Variants in PRKG1 observed in about 807,000 individuals in gnomAD.
PRKG1 encodes protein kinase cGMP-dependent 1, also known as cGMP-dependent protein kinase 1.
In PRKG1, 35 loss-of-function variants were observed where a neutral mutation model predicts 88.1. The observed-to-expected ratio is 0.40, with a 90% CI of 0.30 to 0.53. The LOEUF (loss-of-function observed/expected upper bound fraction) is 0.53, where lower values mean the gene tolerates loss of function less well. Among genes scored for constraint, PRKG1 ranks in the 20% least tolerant of loss-of-function variants. The pLI is 0.59. For missense variants in PRKG1, 540 were observed against 839.8 expected, an observed-to-expected ratio of 0.64 and a Z score of 4.41; for synonymous variants, 303 against 292.5, an observed-to-expected ratio of 1.04 and a Z score of -0.37.
At chr10:51,908,725 C>CTATCTATATA (rs1299574623) in intron 5 of PRKG1, 12 of 60,636 alleles carry the variant, frequency 2.0e-4, no homozygotes, top group East Asian at 9.9e-4. Context: ...GTCTATCTAT[C>CTATCTATATA]TATATGTAAT....
intron 3 of PRKG1, among the ~76,000 whole-genome samples, chr10:51,593,755 C>T (rs940382327): frequency 1.8e-4 from 28 of 151,518 alleles, no homozygotes; most frequent in African/African-American, 6.1e-4. Context: ...GACGGAGTCT[C>T]GGTCTGTCAC....
chr10:51,660,999 G>C (rs1840284811), intron 3 of PRKG1, among the ~76,000 whole-genome samples: 1 of 150,896 alleles, frequency 6.6e-6, no homozygotes, highest in South Asian at 2.1e-4. Flanking sequence ...GAATCCAAAT[G>C]AGCCCATTTC....
chr10:51,392,077 G>C (rs1416320341), intron 2 of PRKG1, among the ~76,000 whole-genome samples: 1 of 151,984 alleles, frequency 6.6e-6, no homozygotes, highest in East Asian at 1.9e-4. Context: ...GCTCTTCTAA[G>C]TCTGACCAAC....
At chr10:52,137,642 C>A (rs532385284) in intron 8 of PRKG1, among the ~76,000 whole-genome samples, 14 of 152,188 alleles carry the variant, frequency 9.2e-5, no homozygotes, top group African/African-American at 2.9e-4. Flanking sequence ...ATCTAGGTTA[C>A]TTACAATACC....
At chr10:51,994,291 T>C (rs971066167) in intron 5 of PRKG1, among the ~76,000 whole-genome samples, 18 of 152,280 alleles carry the variant, frequency 1.2e-4, no homozygotes, top group Non-Finnish European at 2.1e-4. Context: ...TCCTTTTGCT[T>C]CAGATAACAC....
intron 9 of PRKG1, among the ~76,000 whole-genome samples, chr10:52,230,531 T>C (rs2132350437): frequency 6.6e-6 from 1 of 152,304 alleles, no homozygotes; most frequent in South Asian, 2.1e-4. Context: ...AAGTAGCTTG[T>C]TTAGGTGGCC....
At chr10:51,005,565 G>A (rs180734923) in intron 1 of PRKG1, among the ~76,000 whole-genome samples, 3 of 152,318 alleles carry the variant, frequency 2.0e-5, no homozygotes, top group Admixed American at 1.3e-4. Flanking sequence ...ATAACATAAA[G>A]TGTCTTTTTA....
chr10:51,670,527 G>A (rs948703097), intron 3 of PRKG1, among the ~76,000 whole-genome samples: 2 of 150,486 alleles, frequency 1.3e-5, no homozygotes, highest in Non-Finnish European at 3.0e-5. Flanking sequence ...ACGAGGTCAG[G>A]AGATCGAGAC....
chr10:51,158,064 A>G (rs570658527), intron 2 of PRKG1, among the ~76,000 whole-genome samples: 1 of 152,028 alleles, frequency 6.6e-6, no homozygotes, highest in Admixed American at 6.6e-5. Flanking sequence ...ATAATATATT[A>G]TCATTGTCTG....
At chr10:50,997,830 A>G (rs1348612454) in intron 1 of PRKG1, among the ~76,000 whole-genome samples, 1 of 152,232 alleles carries the variant, frequency 6.6e-6, no homozygotes, top group Non-Finnish European at 1.5e-5. Context: ...AAGAGGAAGT[A>G]AAAAATAATA....
At chr10:51,557,708 C>G (rs1326950496) in intron 3 of PRKG1, among the ~76,000 whole-genome samples, 1 of 152,000 alleles carries the variant, frequency 6.6e-6, no homozygotes, top group Admixed American at 6.6e-5. Flanking sequence ...GTTTTCATCT[C>G]AAGATGTGAA....
chr10:51,863,712 G>T (rs569340952), intron 4 of PRKG1, among the ~76,000 whole-genome samples: 1 of 151,996 alleles, frequency 6.6e-6, no homozygotes, highest in African/African-American at 2.4e-5. Flanking sequence ...ACTAAATTTG[G>T]CCCCTCAACC....
In PRKG1 at chr10:51,943,137, G is replaced by T. The variant is rs186087935; in HGVS notation, c.762+35567G>T. Among the ~76,000 whole-genome samples the T allele has an allele frequency of 6.6e-4, 101 of 152,052 alleles. 1 individual carries two copies. The highest frequency in any genetic ancestry group is 2.3e-3 in the African/African-American group (94 of 41,386). On this transcript the variant is annotated intron_variant, in intron 5 of 17. Coordinates refer to ENST00000373980, the MANE Select transcript of PRKG1 (RefSeq NM_006258.4). ...ATCCTCTTTTATTTCATTGAGCAGT[G>T]GTTTGTAGTTATCCTTGAAGAGGTC...
intron 2 of PRKG1, among the ~76,000 whole-genome samples, chr10:51,413,840 T>A (rs1838168717): frequency 6.6e-6 from 1 of 152,214 alleles, no homozygotes; most frequent in Admixed American, 6.5e-5. Flanking sequence ...TTAGTTTTTT[T>A]GTTTCTTTGC....
intron 9 of PRKG1, among the ~76,000 whole-genome samples, chr10:52,170,138 A>C (rs1838624923): frequency 6.6e-6 from 1 of 152,200 alleles, no homozygotes. Flanking sequence ...TTGTAGTATA[A>C]ATTTGTCCAT....
At chr10:51,291,461 G>A (rs1840581085) in intron 2 of PRKG1, among the ~76,000 whole-genome samples, 1 of 152,096 alleles carries the variant, frequency 6.6e-6, no homozygotes, top group Non-Finnish European at 1.5e-5. Flanking sequence ...TGCTGCTTAG[G>A]TCCAGTTGAA....
At chr10:51,284,707 T>C (rs960917563) in intron 2 of PRKG1, among the ~76,000 whole-genome samples, 1 of 152,116 alleles carries the variant, frequency 6.6e-6, no homozygotes, top group Admixed American at 6.6e-5. Context: ...ACAATTTCCT[T>C]ACTTAAACTG....
chr10:51,193,338 C>T (rs529527296), intron 2 of PRKG1, among the ~76,000 whole-genome samples: 2 of 152,082 alleles, frequency 1.3e-5, no homozygotes, highest in South Asian at 4.2e-4. Context: ...ACCCTATATA[C>T]ACTGATTCAG....
chr10:51,346,149 G>A (rs1051137622), intron 2 of PRKG1, among the ~76,000 whole-genome samples: 2 of 152,158 alleles, frequency 1.3e-5, no homozygotes, highest in African/African-American at 4.8e-5. Flanking sequence ...CCAACAGAGG[G>A]ACGCTGAATT....
Sources: gnomAD v4.1 joint callset for allele counts (sites outside exome capture counted in the v4.1 genomes callset) on GRCh38, gnomAD v4.1.1 for gene constraint, MANE v1.5 for transcripts, NCBI Gene and HGNC (gene_info 2026-07-23, HGNC 2026-07-21) for gene names.